DYNC1I1: variants seen among roughly 807,000 people sequenced by gnomAD.
The protein encoded by DYNC1I1 is dynein cytoplasmic 1 intermediate chain 1.
DYNC1I1 carries 43 observed loss-of-function variants against 86.6 expected under a neutral mutation model. The ratio of observed to expected loss-of-function variants is 0.50; its 90% CI spans 0.39 to 0.64. The LOEUF is 0.64. DYNC1I1 is among the 30% of genes least tolerant of loss of function. The pLI, the probability that DYNC1I1 is intolerant of heterozygous loss-of-function variation, is 0.00. For missense variants in DYNC1I1, 604 were observed against 788.8 expected (o/e 0.77, Z 2.81); for synonymous variants, 262 against 283.7 (o/e 0.92, Z 0.77).
chr7:95,886,252 A>G (rs944769844), intron 6 of DYNC1I1, among the ~76,000 whole-genome samples: 3 of 152,250 alleles, frequency 2.0e-5, no homozygotes, highest in South Asian at 2.1e-4. Flanking sequence ...GCTGGCCAAC[A>G]TGGTGAAACC....
At chr7:95,843,559 AG>A (rs1164045581) in intron 5 of DYNC1I1, among the ~76,000 whole-genome samples, 4 of 152,126 alleles carry the variant, frequency 2.6e-5, no homozygotes, top group Non-Finnish European at 5.9e-5. Context: ...TTTAAATTTC[AG>A]GTTTCTGGGT....
At chr7:95,900,934 A>G (rs948198024) in intron 6 of DYNC1I1, among the ~76,000 whole-genome samples, 16 of 152,204 alleles carry the variant, frequency 1.1e-4, no homozygotes, top group Non-Finnish European at 1.8e-4. Flanking sequence ...TCCAATTGAA[A>G]TGGAATAAGA....
chr7:95,995,044 G>A (rs913972321), intron 9 of DYNC1I1, among the ~76,000 whole-genome samples: 2 of 151,956 alleles, frequency 1.3e-5, no homozygotes, highest in South Asian at 2.1e-4. Flanking sequence ...TCAGGAGATC[G>A]AGACCATCCT....
intron 6 of DYNC1I1, among the ~76,000 whole-genome samples, chr7:95,896,545 G>A (rs1790887242): frequency 6.6e-6 from 1 of 152,156 alleles, no homozygotes; most frequent in South Asian, 2.1e-4. Context: ...CAAAAAGAGA[G>A]TAAGAAGTTT....
intron 6 of DYNC1I1, among the ~76,000 whole-genome samples, chr7:95,914,179 T>C (rs1791410555): frequency 6.6e-6 from 1 of 152,250 alleles, no homozygotes; most frequent in African/African-American, 2.4e-5. Context: ...TATGACATCA[T>C]GAATCATATT....
intron 10 of DYNC1I1, among the ~76,000 whole-genome samples, chr7:96,024,239 C>T (rs982805777): frequency 3.9e-5 from 6 of 152,114 alleles, no homozygotes; most frequent in African/African-American, 7.2e-5. Flanking sequence ...TTTCCACTTA[C>T]GTAAACTACT....
intron 3 of DYNC1I1, among the ~76,000 whole-genome samples, chr7:95,811,904 G>C (rs576336470): frequency 4.6e-5 from 7 of 152,248 alleles, no homozygotes; most frequent in Non-Finnish European, 1.0e-4. Flanking sequence ...TACAATAATA[G>C]TATGTCCTAG....
chr7:95,789,678 C>G (rs1258577145), intron 1 of DYNC1I1, among the ~76,000 whole-genome samples: 1 of 152,132 alleles, frequency 6.6e-6, no homozygotes, highest in Non-Finnish European at 1.5e-5. Flanking sequence ...GTAGTGAACA[C>G]CTTTCTCTGT....
chr7:95,879,161 C>G (rs1584120028), intron 6 of DYNC1I1, among the ~76,000 whole-genome samples: 1 of 152,056 alleles, frequency 6.6e-6, no homozygotes, highest in East Asian at 1.9e-4. Flanking sequence ...ACAAAGAGCA[C>G]AAGTAGAGGT....
intron 6 of DYNC1I1, among the ~76,000 whole-genome samples, chr7:95,958,453 C>G (rs565324318): frequency 6.6e-6 from 1 of 151,634 alleles, no homozygotes; most frequent in Non-Finnish European, 1.5e-5. Flanking sequence ...AACATTGGCC[C>G]GGAAAGCTAA....
intron 4 of DYNC1I1, among the ~76,000 whole-genome samples, chr7:95,817,101 G>T (rs536875241): frequency 6.6e-6 from 1 of 151,958 alleles, no homozygotes; most frequent in Middle Eastern, 3.4e-3. Flanking sequence ...AATGTTTGCT[G>T]AGTGAGGTGT....
chr7:96,104,183 A>T (rs1443441156), intron 16 of DYNC1I1, among the ~76,000 whole-genome samples: 3 of 152,164 alleles, frequency 2.0e-5, no homozygotes, highest in East Asian at 1.9e-4. Context: ...GATAATATTT[A>T]AAAAATTTAA....
chr7:96,102,905 A>G (rs1791156186), downstream of DYNC1I1, among the ~76,000 whole-genome samples: 2 of 152,172 alleles, frequency 1.3e-5, no homozygotes, highest in South Asian at 4.1e-4. Context: ...AAACTTAACT[A>G]CACATCCATA....
chr7:95,923,582 A>C lies in DYNC1I1; in HGVS notation c.490+53584A>C, dbSNP rs1197097977. 2.0e-5 allele frequency among the ~76,000 whole-genome samples: 3 copies of C among 152,108 alleles called. No homozygotes were observed. The East Asian group carries it at 5.8e-4, about 29-fold the overall frequency. The stretch of plus-strand genomic sequence containing the variant: ...CACGCAAAATATTATTATTATTACT[A>C]AATTATAGGTTGTGTTACATGGAGG... On this transcript the variant is annotated intron_variant, in intron 6 of 16. Transcript: ENST00000447467.
chr7:95,831,902 C>G (rs565561224), intron 5 of DYNC1I1, among the ~76,000 whole-genome samples: 66 of 152,160 alleles, frequency 4.3e-4, no homozygotes, highest in African/African-American at 1.4e-3. Context: ...AACCCCTTAT[C>G]AGTAATATGG....
intron 1 of DYNC1I1, among the ~76,000 whole-genome samples, chr7:95,778,611 T>G (rs1733981): frequency 1.3e-5 from 2 of 152,334 alleles, no homozygotes; most frequent in East Asian, 3.9e-4. Flanking sequence ...TGATTTTCAG[T>G]ACAAGATGGG....
downstream of DYNC1I1, among the ~76,000 whole-genome samples, chr7:96,100,375 CCT>C (rs1791112535): frequency 6.6e-6 from 1 of 151,524 alleles, no homozygotes; most frequent in Non-Finnish European, 1.5e-5. Context: ...TTCCTTCCTT[CCT>C]TCTTTCCTTC....
intron 6 of DYNC1I1, among the ~76,000 whole-genome samples, chr7:95,891,724 TG>T (rs958766455): frequency 9.2e-5 from 14 of 152,158 alleles, no homozygotes; most frequent in African/African-American, 3.4e-4. Context: ...ATGCAGAGTG[TG>T]GGTGAAGAGT....
chr7:96,030,487 T>G (rs948585025), intron 11 of DYNC1I1, among the ~76,000 whole-genome samples: 20 of 152,018 alleles, frequency 1.3e-4, no homozygotes, highest in African/African-American at 4.8e-4. Flanking sequence ...GATTAAAGCC[T>G]GGGAGGGGCT....
Sources: allele counts gnomAD v4.1 joint callset (sites outside exome capture counted in the v4.1 genomes callset), GRCh38; gene constraint gnomAD v4.1.1; transcripts MANE v1.5; gene names NCBI Gene and HGNC (gene_info 2026-07-23, HGNC 2026-07-21).